The following RAI14 variants were observed in gnomAD, a reference collection of about 807,000 sequenced individuals.
RAI14 encodes the protein retinoic acid induced 14.
RAI14 carries 45 observed loss-of-function variants against 115.4 expected under a neutral mutation model. The observed-to-expected ratio is 0.39, with a 90% CI of 0.31 to 0.50. The LOEUF is 0.50. RAI14 is among the 20% of genes least tolerant of loss of function. The probability of loss-of-function intolerance (pLI) is 0.85; values close to 1 mark genes in which losing one functional copy is unlikely to be tolerated. For synonymous variants in RAI14, 371 were observed against 415.4 expected, an observed-to-expected ratio of 0.89 and a Z score of 1.30; for missense variants, 939 against 1,131.2, an observed-to-expected ratio of 0.83 and a Z score of 2.44.
intron 2 of RAI14, among the ~76,000 whole-genome samples, chr5:34,748,273 A>G (rs1746547560): frequency 6.6e-6 from 1 of 152,206 alleles, no homozygotes; most frequent in South Asian, 2.1e-4. Context: ...AAATGTAAGT[A>G]AAGGGAAAAG....
Position 34,826,437 on chromosome 5 carries a change from G to A in RAI14, c.2757G>A (p.Glu919=). 6.2e-7 allele frequency: 1 copy of A among 1,614,052 alleles called. No homozygotes were observed. Among genetic ancestry groups the A allele is most frequent in the Non-Finnish European group, 8.5e-7 (1 of 1,179,964 alleles). The change falls in exon 16 of 18, where the codon GAG becomes GAA. Residue 919 remains glutamate (E), a synonymous_variant. Coordinates refer to ENST00000265109, the MANE Select transcript of RAI14 (RefSeq NM_015577.3). ...SSSKRQSQQL[E]ALQQQVKQLQ... is the part of the protein sequence containing the mutation. Reference sequence around the variant, plus strand: ...CCAAAAGGCAGAGTCAGCAGCTGGAGGCGCTGCAGCAGCAAGTCAAACAGC... The same window carrying A: ...CCAAAAGGCAGAGTCAGCAGCTGGAAGCGCTGCAGCAGCAAGTCAAACAGC...
At chr5:34,821,266 A>C (rs897228673) in intron 13 of RAI14, among the ~76,000 whole-genome samples, 5 of 152,190 alleles carry the variant, frequency 3.3e-5, no homozygotes, top group Non-Finnish European at 7.4e-5. Flanking sequence ...ACTGGGAAGA[A>C]GAGAGAGGCA....
At chr5:34,677,534 T>C (rs1744078546) in intron 1 of RAI14, among the ~76,000 whole-genome samples, 1 of 148,778 alleles carries the variant, frequency 6.7e-6, no homozygotes, top group Non-Finnish European at 1.5e-5. Flanking sequence ...AGCCTCAAAC[T>C]CCTGGGCTCA....
intron 2 of RAI14, among the ~76,000 whole-genome samples, chr5:34,695,340 G>C (rs187832223): frequency 1.3e-5 from 2 of 152,314 alleles, no homozygotes; most frequent in Admixed American, 1.3e-4. Flanking sequence ...GGTAGAAGTT[G>C]TTTTCTTCTG....
chr5:34,824,393 G>A lies in RAI14; in HGVS notation c.2551G>A (p.Glu851Lys), dbSNP rs746762146. 4.1e-5 allele frequency: 66 copies of A among 1,610,064 alleles called. 1 individual carries two copies. The South Asian group carries it at 7.3e-4, about 18-fold the overall frequency. ...GAAATCCAAAGAGCAAGAAGTAAATGAACTTCTGCAAAAATTCCAGCAAGC... is the reference window on the plus strand; with the variant it reads ...GAAATCCAAAGAGCAAGAAGTAAATAAACTTCTGCAAAAATTCCAGCAAGC... ...LLKSKEQEVN[E>K]LLQKFQQAQE... Residue 851 changes from glutamate to lysine, a missense_variant, in exon 15 of 18, where the codon GAA becomes AAA. Transcript: ENST00000265109.
chr5:34,787,584 G>T (rs539135114), intron 3 of RAI14, among the ~76,000 whole-genome samples: 4 of 152,232 alleles, frequency 2.6e-5, no homozygotes, highest in African/African-American at 9.6e-5. Flanking sequence ...CTGGGAGTTG[G>T]GGAAGTAGGG....
intron 3 of RAI14, among the ~76,000 whole-genome samples, chr5:34,778,321 A>G (rs967010180): frequency 6.6e-6 from 1 of 152,130 alleles, no homozygotes; most frequent in African/African-American, 2.4e-5. Context: ...CATTTCTAAC[A>G]TGCTCCTGTT....
intron 2 of RAI14, chr5:34,688,306 C>A: frequency 6.9e-7 from 1 of 1,444,102 alleles, no homozygotes; most frequent in Non-Finnish European, 9.5e-7. Context: ...AATTTTGTGA[C>A]CAGGTTAACA....
chr5:34,718,810 G>A (rs780768294), intron 2 of RAI14, among the ~76,000 whole-genome samples: 36 of 152,190 alleles, frequency 2.4e-4, no homozygotes, highest in African/African-American at 8.2e-4. Context: ...AGGGGTTTTG[G>A]AGGAATTGAA....
chr5:34,681,885 C>T (rs1469292972), intron 1 of RAI14, among the ~76,000 whole-genome samples: 7 of 120,620 alleles, frequency 5.8e-5, no homozygotes, highest in East Asian at 2.3e-4. Flanking sequence ...GATGGAGTTT[C>T]GCTCTTGTTG....
At chr5:34,778,592 C>A (rs1028666255) in intron 3 of RAI14, among the ~76,000 whole-genome samples, 39 of 152,186 alleles carry the variant, frequency 2.6e-4, no homozygotes, top group Non-Finnish European at 4.1e-4. Context: ...CTCTTCGCAT[C>A]TCCACAGCTC....
intron 2 of RAI14, chr5:34,733,009 C>T (rs1744395297): frequency 6.6e-6 from 1 of 152,028 alleles, no homozygotes; most frequent in African/African-American, 2.4e-5. Context: ...GTGACTTGTA[C>T]TTGTGTTTCT....
chr5:34,769,961 T>C (rs1039600659), intron 3 of RAI14, among the ~76,000 whole-genome samples: 3 of 152,198 alleles, frequency 2.0e-5, no homozygotes, highest in Non-Finnish European at 4.4e-5. Flanking sequence ...ACTCCTCACC[T>C]CAAGTGATCC....
chr5:34,724,483 G>C (rs1743199902), intron 2 of RAI14, among the ~76,000 whole-genome samples: 1 of 152,142 alleles, frequency 6.6e-6, no homozygotes, highest in African/African-American at 2.4e-5. Flanking sequence ...GGCTATCAGT[G>C]AACACTTTCC....
intron 1 of RAI14, among the ~76,000 whole-genome samples, chr5:34,681,276 G>A (rs1341581965): frequency 6.6e-6 from 1 of 152,200 alleles, no homozygotes; most frequent in Non-Finnish European, 1.5e-5. Flanking sequence ...AAATACTCAA[G>A]CACTTGAGTG....
At chr5:34,678,094 G>T (rs913090641) in intron 1 of RAI14, among the ~76,000 whole-genome samples, 14 of 130,016 alleles carry the variant, frequency 1.1e-4, no homozygotes, top group African/African-American at 3.5e-4. Context: ...AAAAAATTTT[G>T]TTTTGTTTTG....
At chr5:34,735,070 C>T (rs116709653) in intron 2 of RAI14, among the ~76,000 whole-genome samples, 2,021 of 152,212 alleles carry the variant, frequency 0.013, 44 homozygotes, top group African/African-American at 0.047. Flanking sequence ...TGTTTAATAT[C>T]GTTTAGCTTT....
chr5:34,741,838 G>A (rs1386804555), intron 2 of RAI14, among the ~76,000 whole-genome samples: 1 of 152,112 alleles, frequency 6.6e-6, no homozygotes, highest in Non-Finnish European at 1.5e-5. Flanking sequence ...GGGAAGTGAA[G>A]CAGGGAAGAC....
chr5:34,698,911 C>T (rs574873226), intron 2 of RAI14, among the ~76,000 whole-genome samples: 2 of 152,160 alleles, frequency 1.3e-5, no homozygotes, highest in Non-Finnish European at 2.9e-5. Context: ...TTTGAGTGTG[C>T]GTGGGGATGA....
Sources: gnomAD v4.1 joint callset for allele counts (sites outside exome capture counted in the v4.1 genomes callset) on GRCh38, gnomAD v4.1.1 for gene constraint, MANE v1.5 for transcripts, NCBI Gene and HGNC (gene_info 2026-07-23, HGNC 2026-07-21) for gene names.